Variants in RAPGEF4 observed in about 807,000 individuals in gnomAD.
RAPGEF4 encodes RAP guanine-nucleotide-exchange factor (GEF) 4.
In RAPGEF4, 66 loss-of-function variants were observed where a neutral mutation model predicts 147.9. The ratio of observed to expected loss-of-function variants is 0.45; its 90% CI spans 0.37 to 0.55. RAPGEF4 has a LOEUF of 0.55. Ranked by LOEUF, RAPGEF4 falls within the 20% of genes least tolerant of loss-of-function variation. The probability of loss-of-function intolerance (pLI) is 0.00; values close to 1 mark genes in which losing one functional copy is unlikely to be tolerated. For synonymous variants in RAPGEF4, 419 were observed against 442.7 expected (o/e 0.95, Z 0.67); for missense variants, 1,071 against 1,257.3 (o/e 0.85, Z 2.24).
intron 4 of RAPGEF4, among the ~76,000 whole-genome samples, chr2:172,830,783 A>C (rs971847361): frequency 6.6e-6 from 1 of 152,094 alleles, no homozygotes; most frequent in African/African-American, 2.4e-5. Context: ...TGTTGTTGTT[A>C]TTATTTTTAT....
intron 4 of RAPGEF4, among the ~76,000 whole-genome samples, chr2:172,912,519 A>T (rs966043694): frequency 6.6e-6 from 1 of 152,188 alleles, no homozygotes; most frequent in Non-Finnish European, 1.5e-5. Context: ...TTTCCTGCCA[A>T]TGCCCTATAT....
chr2:172,940,602 C>T (rs1687051314), intron 6 of RAPGEF4, among the ~76,000 whole-genome samples: 1 of 152,156 alleles, frequency 6.6e-6, no homozygotes, highest in African/African-American at 2.4e-5. Context: ...GTTTCCTGTA[C>T]AGCCTTCAGA....
chr2:172,968,789 A>G (rs1690142764), intron 10 of RAPGEF4, among the ~76,000 whole-genome samples: 1 of 152,106 alleles, frequency 6.6e-6, no homozygotes, highest in African/African-American at 2.4e-5. Context: ...ATCATAGGAG[A>G]GCATGGCTGA....
chr2:172,847,430 G>A (rs910635551), intron 4 of RAPGEF4, among the ~76,000 whole-genome samples: 5 of 152,114 alleles, frequency 3.3e-5, no homozygotes, highest in South Asian at 2.1e-4. Context: ...GGCTCCTCCC[G>A]TTCCACCCTG....
chr2:172,806,031 G>C lies in RAPGEF4; in HGVS notation c.298-8248G>C, dbSNP rs935285330. Among the ~76,000 whole-genome samples, 28 of 151,258 alleles carry C rather than the reference G, an allele frequency of 1.9e-4. 1 individual carries two copies. In the South Asian group the frequency reaches 4.0e-3, roughly 22 times the overall value. ...ATTATCCGGCTGTGTGTGTGTGTGT[G>C]TGTGTGTGTGTGTGTGTGTGTGTGT... On this transcript the variant is annotated intron_variant, in intron 3 of 30. Transcript: ENST00000397081.
intron 29 of RAPGEF4, among the ~76,000 whole-genome samples, chr2:173,037,030 G>A (rs1684106705): frequency 6.6e-6 from 1 of 152,168 alleles, no homozygotes; most frequent in African/African-American, 2.4e-5. Context: ...ACTGCCCCAG[G>A]ATGCCTTTGA....
intron 3 of RAPGEF4, among the ~76,000 whole-genome samples, chr2:172,809,389 C>G (rs1187515033): frequency 6.6e-6 from 1 of 152,152 alleles, no homozygotes; most frequent in South Asian, 2.1e-4. Context: ...AGGATACTGT[C>G]ACTTTGAGAA....
chr2:173,014,159 A>T (rs1219841652), intron 17 of RAPGEF4, among the ~76,000 whole-genome samples: 2 of 152,222 alleles, frequency 1.3e-5, no homozygotes, highest in East Asian at 3.8e-4. Context: ...GGCAAGGCAG[A>T]TCCTGGCAGA....
Position 172,839,485 on chromosome 2 carries a change from C to T in RAPGEF4, c.444+25060C>T, listed in dbSNP as rs930445924. Among the ~76,000 whole-genome samples, 4 of 152,104 alleles carry T rather than the reference C, an allele frequency of 2.6e-5. No homozygotes were observed. In the East Asian group the frequency reaches 5.8e-4, roughly 22 times the overall value. On this transcript the variant is annotated intron_variant, in intron 4 of 30. Coordinates refer to ENST00000397081, the MANE Select transcript of RAPGEF4 (RefSeq NM_007023.4). The stretch of plus-strand genomic sequence containing the variant: ...CTATGGCATTTGTATACTGTCATGG[C>T]GCTGGTGGGAGTGTAACAGTGAGGA...
intron 4 of RAPGEF4, among the ~76,000 whole-genome samples, chr2:172,848,071 T>C (rs942903519): frequency 6.6e-6 from 1 of 152,202 alleles, no homozygotes; most frequent in African/African-American, 2.4e-5. Flanking sequence ...AAGACAAAGA[T>C]TGAGAGTCTA....
chr2:172,766,341 C>T (rs1301509805), intron 1 of RAPGEF4, among the ~76,000 whole-genome samples: 2 of 152,056 alleles, frequency 1.3e-5, no homozygotes, highest in African/African-American at 4.8e-5. Context: ...CCCTTGAGGC[C>T]GGGAGTTCGA....
intron 11 of RAPGEF4, among the ~76,000 whole-genome samples, chr2:172,984,333 T>G (rs577723069): frequency 7.2e-5 from 11 of 152,310 alleles, no homozygotes; most frequent in African/African-American, 2.2e-4. Context: ...CCTAGCTCAC[T>G]AAAAGTGGTG....
chr2:172,980,454 C>T (rs1691556507), intron 10 of RAPGEF4, among the ~76,000 whole-genome samples: 1 of 151,860 alleles, frequency 6.6e-6, no homozygotes, highest in Non-Finnish European at 1.5e-5. Context: ...GAACACAATA[C>T]AAGGGATGGA....
chr2:172,920,724 AT>A (rs1279872291), intron 5 of RAPGEF4, among the ~76,000 whole-genome samples: 16 of 152,104 alleles, frequency 1.1e-4, no homozygotes, highest in African/African-American at 3.6e-4. Context: ...GCAACTGTGT[AT>A]TTATCTTATT....
intron 17 of RAPGEF4, among the ~76,000 whole-genome samples, chr2:173,010,027 A>G (rs1043596075): frequency 6.6e-6 from 1 of 152,240 alleles, no homozygotes; most frequent in African/African-American, 2.4e-5. Flanking sequence ...GGAGGAAAAT[A>G]AGAGAACTGA....
At chr2:172,872,898 GCA>G (rs1165728248) in intron 4 of RAPGEF4, among the ~76,000 whole-genome samples, 107 of 152,214 alleles carry the variant, frequency 7.0e-4, no homozygotes, top group African/African-American at 2.5e-3. Flanking sequence ...AGCTTCACAA[GCA>G]GTAGTGGTGT....
chr2:172,925,026 C>A (rs750049266), intron 6 of RAPGEF4, among the ~76,000 whole-genome samples: 10 of 152,168 alleles, frequency 6.6e-5, no homozygotes, highest in Non-Finnish European at 1.3e-4. Context: ...TGGCTCACTG[C>A]AAGCTCCGCA....
chr2:172,798,752 A>T (rs1178495104), intron 3 of RAPGEF4, among the ~76,000 whole-genome samples: 3 of 152,090 alleles, frequency 2.0e-5, no homozygotes, highest in Non-Finnish European at 2.9e-5. Context: ...GGCAGTCACC[A>T]TCTTAAAAAT....
intron 17 of RAPGEF4, among the ~76,000 whole-genome samples, chr2:173,006,351 CTT>C (rs1694480579): frequency 6.6e-6 from 1 of 152,122 alleles, no homozygotes; most frequent in African/African-American, 2.4e-5. Flanking sequence ...CTAAAAGAAT[CTT>C]AAGTATGAAT....
Sources: gnomAD v4.1 joint callset for allele counts (sites outside exome capture counted in the v4.1 genomes callset) on GRCh38, gnomAD v4.1.1 for gene constraint, MANE v1.5 for transcripts, NCBI Gene and HGNC (gene_info 2026-07-23, HGNC 2026-07-21) for gene names.